MPPED1: variants seen among roughly 807,000 people sequenced by gnomAD.
MPPED1 encodes metallophosphoesterase domain-containing protein 1.
MPPED1 carries 16 observed loss-of-function variants against 36.2 expected under a neutral mutation model. That is an observed-to-expected ratio of 0.44 (90% CI 0.30 to 0.67). The LOEUF (loss-of-function observed/expected upper bound fraction) is 0.67, where lower values mean the gene tolerates loss of function less well. Ranked by LOEUF, MPPED1 falls within the 30% of genes least tolerant of loss-of-function variation. The pLI, the probability that MPPED1 is intolerant of heterozygous loss-of-function variation, is 0.10. For synonymous variants in MPPED1, 199 were observed against 191.3 expected (o/e 1.04, Z -0.33); for missense variants, 307 against 453.4 (o/e 0.68, Z 2.93).
chr22:43,469,316 A>G (rs1004762019), intron 3 of MPPED1, among the ~76,000 whole-genome samples: 1 of 152,132 alleles, frequency 6.6e-6, no homozygotes, highest in East Asian at 1.9e-4. Context: ...GTATTCATTT[A>G]ATTTTTCCCC....
At chr22:43,484,999 G>A (rs1366731863) in intron 4 of MPPED1, among the ~76,000 whole-genome samples, 6 of 152,250 alleles carry the variant, frequency 3.9e-5, no homozygotes, top group African/African-American at 1.2e-4. Flanking sequence ...TTGCTGTGCT[G>A]CTTCTACAAA....
At chr22:43,504,907 C>A (rs1427428472) in intron 6 of MPPED1, among the ~76,000 whole-genome samples, 2 of 141,632 alleles carry the variant, frequency 1.4e-5, no homozygotes, top group Non-Finnish European at 3.1e-5. Context: ...TGATGTTGTT[C>A]ATGGTGATAG....
intron 3 of MPPED1, among the ~76,000 whole-genome samples, chr22:43,464,979 C>G (rs576688609): frequency 1.3e-5 from 2 of 152,360 alleles, no homozygotes; most frequent in South Asian, 4.1e-4. Flanking sequence ...CCATCTGACC[C>G]TGTTAACACC....
intron 1 of MPPED1, among the ~76,000 whole-genome samples, chr22:43,420,657 G>T (rs1040737187): frequency 1.3e-5 from 2 of 152,032 alleles, no homozygotes; most frequent in African/African-American, 4.8e-5. Context: ...CCGCCTCGGC[G>T]TCCCAAAGTG....
chr22:43,451,524 G>A (rs1029657907), intron 3 of MPPED1, among the ~76,000 whole-genome samples: 1 of 152,194 alleles, frequency 6.6e-6, no homozygotes, highest in Non-Finnish European at 1.5e-5. Context: ...GAGAGCTCGC[G>A]GAAGGCCGTT....
chr22:43,444,537 A>AT (rs1160711427), intron 3 of MPPED1, among the ~76,000 whole-genome samples: 4 of 151,448 alleles, frequency 2.6e-5, no homozygotes, highest in Admixed American at 2.6e-4. Flanking sequence ...TAATTTTTGT[A>AT]TTTTTTGTGG....
chr22:43,498,963 C>CTCCCCCTTCTCTTCAA (rs1362435628), intron 5 of MPPED1, among the ~76,000 whole-genome samples: 1 of 152,134 alleles, frequency 6.6e-6, no homozygotes, highest in Non-Finnish European at 1.5e-5. Context: ...CTGCCTCCCA[C>CTCCCCCTTCTCTTCAA]TCCCCCTTCT....
chr22:43,469,180 C>A, intron 3 of MPPED1, among the ~76,000 whole-genome samples: 1 of 152,138 alleles, frequency 6.6e-6, no homozygotes, highest in East Asian at 1.9e-4. Context: ...CCCATCAGGG[C>A]AATGGGGAAG....
intron 3 of MPPED1, among the ~76,000 whole-genome samples, chr22:43,436,466 C>G (rs1214795433): frequency 6.6e-6 from 1 of 152,364 alleles, no homozygotes; most frequent in Middle Eastern, 3.4e-3. Context: ...GCAAGGCCTT[C>G]CCTTCTGTTT....
At chr22:43,471,948 C>A (rs988501699) in intron 3 of MPPED1, among the ~76,000 whole-genome samples, 1 of 144,156 alleles carries the variant, frequency 6.9e-6, no homozygotes, top group African/African-American at 2.9e-5. Context: ...ACTGGAAGAA[C>A]CTCGGGCCAG....
At chr22:43,464,291 CTGTGTG>C (rs60119589) in intron 3 of MPPED1, among the ~76,000 whole-genome samples, 7,391 of 143,884 alleles carry the variant, frequency 0.051, 230 homozygotes, top group Middle Eastern at 0.076. Context: ...TTGGTCAGCT[CTGTGTG>C]TGTGTGTGTG....
chr22:43,486,458 C>G (rs1229140531), intron 4 of MPPED1, among the ~76,000 whole-genome samples: 1 of 152,064 alleles, frequency 6.6e-6, no homozygotes, highest in African/African-American at 2.4e-5. Context: ...TGGACCTGGA[C>G]CTGGACAGGC....
intron 3 of MPPED1, among the ~76,000 whole-genome samples, chr22:43,451,599 C>T (rs1302630902): frequency 6.6e-6 from 1 of 152,220 alleles, no homozygotes; most frequent in East Asian, 1.9e-4. Flanking sequence ...GCTGACAAAG[C>T]GAGGCTTTCT....
intron 3 of MPPED1, among the ~76,000 whole-genome samples, chr22:43,453,844 G>A (rs1930659430): frequency 6.6e-6 from 1 of 152,090 alleles, no homozygotes; most frequent in Non-Finnish European, 1.5e-5. Context: ...TAGTTCAGTG[G>A]CATTAAGACC....
intron 3 of MPPED1, among the ~76,000 whole-genome samples, chr22:43,472,654 G>T (rs951066730): frequency 1.3e-5 from 2 of 152,238 alleles, no homozygotes; most frequent in Non-Finnish European, 2.9e-5. Flanking sequence ...TGGTGAGTCA[G>T]CTATGAGTAG....
At chr22:43,426,735 C>T (rs1340606833) in intron 2 of MPPED1, among the ~76,000 whole-genome samples, 2 of 152,222 alleles carry the variant, frequency 1.3e-5, no homozygotes, top group East Asian at 3.8e-4. Context: ...GGATCGCCCT[C>T]TTCCAGTGGC....
chr22:43,462,658 G>T (rs1930995301), intron 3 of MPPED1, among the ~76,000 whole-genome samples: 1 of 152,118 alleles, frequency 6.6e-6, no homozygotes, highest in Non-Finnish European at 1.5e-5. Context: ...CAAGTCTTCT[G>T]CAGAGCTTTA....
intron 3 of MPPED1, among the ~76,000 whole-genome samples, chr22:43,450,598 C>G (rs5996339): frequency 0.016 from 2,381 of 152,294 alleles, 67 homozygotes; most frequent in African/African-American, 0.055. Flanking sequence ...GTGATCTGGG[C>G]TCATCATAGG....
At position 43,418,196 on chromosome 22, in the gene MPPED1, T is replaced by C. The variant is rs552539294; in HGVS notation, c.-79+6038T>C. The C allele has an allele frequency of 2.4e-5, 11 of 456,100 alleles. 2 individuals carry two copies. The highest frequency in any genetic ancestry group is 1.7e-4 in the South Asian group (11 of 64,546). 28.3% of individuals were successfully genotyped at this position (456,100 alleles called of 1,614,324 possible). On this transcript the variant is annotated intron_variant, in intron 1 of 6. Transcript: ENST00000443721. The stretch of plus-strand genomic sequence containing the variant: ...ACCTTTTCCTTCCAAACGAGAGCAC[T>C]TTCGAGAGCCGGAGAGGATGCTGGT...
Sources: allele counts gnomAD v4.1 joint callset (sites outside exome capture counted in the v4.1 genomes callset), GRCh38; gene constraint gnomAD v4.1.1; transcripts MANE v1.5; gene names NCBI Gene and HGNC (gene_info 2026-07-23, HGNC 2026-07-21).